Variants in ZNF722 observed in about 807,000 individuals in gnomAD.
ZNF722 encodes the protein zinc finger protein 479 pseudogene.
the ZNF722 span, among the ~76,000 whole-genome samples, chr7:64,014,028 A>G: frequency 6.6e-6 from 1 of 151,274 alleles, no homozygotes; most frequent in Non-Finnish European, 1.5e-5. Flanking sequence ...TATAAATAAT[A>G]CCTCACTTTT....
chr7:64,010,042 A>G, the ZNF722 span, among the ~76,000 whole-genome samples: 1 of 152,122 alleles, frequency 6.6e-6, no homozygotes, highest in African/African-American at 2.4e-5. Context: ...AGGTGTTTAT[A>G]GTATTCTCTG....
the ZNF722 span, among the ~76,000 whole-genome samples, chr7:64,001,562 AT>A: frequency 3.3e-5 from 5 of 152,194 alleles, no homozygotes; most frequent in Non-Finnish European, 5.9e-5. Context: ...ATACATGTGC[AT>A]GTGTCTTCAT....
the ZNF722 span, chr7:64,015,385 A>G: frequency 1.3e-5 from 20 of 1,521,528 alleles, no homozygotes; most frequent in Middle Eastern, 1.7e-4. Flanking sequence ...CAGATAATTC[A>G]TACTAAGGAG....
chr7:64,007,250 A>ATATATATATATATATATATATATATT, the ZNF722 span, among the ~76,000 whole-genome samples: 15 of 147,686 alleles, frequency 1.0e-4, no homozygotes, highest in African/African-American at 3.8e-4. Context: ...ATATATATAT[A>ATATATATATATATATATATATATATT]TATATTTATA....
the ZNF722 span, among the ~76,000 whole-genome samples, chr7:64,011,111 C>T: frequency 6.6e-6 from 1 of 151,684 alleles, no homozygotes; most frequent in Admixed American, 6.6e-5. Context: ...GATGGATCTT[C>T]CTCCATCCTT....
chr7:64,001,540 G>A, the ZNF722 span, among the ~76,000 whole-genome samples: 1 of 152,160 alleles, frequency 6.6e-6, no homozygotes, highest in Non-Finnish European at 1.5e-5. Context: ...TGTGAATCGT[G>A]CTGTAATAAA....
chr7:63,999,054 G>T, the ZNF722 span: 1 of 1,549,524 alleles, frequency 6.5e-7, no homozygotes, highest in African/African-American at 1.4e-5. Context: ...GGAACCGGCT[G>T]AAAGTGGCTT....
chr7:64,017,919 C>CA, the ZNF722 span, among the ~76,000 whole-genome samples: 1 of 152,134 alleles, frequency 6.6e-6, no homozygotes, highest in African/African-American at 2.4e-5. Context: ...ACTCAAGTCT[C>CA]AGATTACTTA....
chr7:64,006,159 A>G, the ZNF722 span: 2 of 882,232 alleles, frequency 2.3e-6, no homozygotes, highest in South Asian at 2.1e-5. Flanking sequence ...TACTAACCAT[A>G]ATACTAGTTT....
chr7:64,003,586 T>C, the ZNF722 span, among the ~76,000 whole-genome samples: 1 of 152,216 alleles, frequency 6.6e-6, no homozygotes, highest in African/African-American at 2.4e-5. Flanking sequence ...AAATTTTTAC[T>C]TCTGTACTTG....
the ZNF722 span, chr7:64,006,256 T>C: frequency 2.3e-6 from 3 of 1,296,570 alleles, no homozygotes; most frequent in Non-Finnish European, 3.2e-6. Context: ...CTTGATTACC[T>C]GTCTGGAGCA....
chr7:64,007,440 G>A, the ZNF722 span, among the ~76,000 whole-genome samples: 1 of 151,930 alleles, frequency 6.6e-6, no homozygotes, highest in South Asian at 2.1e-4. Flanking sequence ...CCCGCCCTGT[G>A]TCCAAGTGTT....
the ZNF722 span, among the ~76,000 whole-genome samples, chr7:64,011,304 GTTA>G: frequency 6.6e-6 from 1 of 152,098 alleles, no homozygotes; most frequent in Non-Finnish European, 1.5e-5. Flanking sequence ...ATGTTAGCTG[GTTA>G]TTTTGCCTGT....
At chr7:64,008,879 T>C in the ZNF722 span, among the ~76,000 whole-genome samples, 1 of 152,206 alleles carries the variant, frequency 6.6e-6, no homozygotes, top group African/African-American at 2.4e-5. Context: ...TCCATGAGCA[T>C]GGAATGTTCT....
chr7:64,015,110 T>C, the ZNF722 span: 5 of 1,425,982 alleles, frequency 3.5e-6, no homozygotes, highest in African/African-American at 1.4e-5. Context: ...CAAGAACATA[T>C]GGAAAATGTG....
At chr7:64,010,275 C>T in the ZNF722 span, among the ~76,000 whole-genome samples, 1 of 151,992 alleles carries the variant, frequency 6.6e-6, no homozygotes, top group African/African-American at 2.4e-5. Context: ...TGTTTCTTGC[C>T]TTCTGCTAGC....
At chr7:64,008,061 A>G in the ZNF722 span, among the ~76,000 whole-genome samples, 2 of 152,140 alleles carry the variant, frequency 1.3e-5, no homozygotes, top group Non-Finnish European at 1.5e-5. Context: ...GTGTCTGTTC[A>G]TATCCTTTGC....
chr7:63,998,950 A>G, the ZNF722 span: 2 of 1,574,596 alleles, frequency 1.3e-6, no homozygotes, highest in South Asian at 1.1e-5. Context: ...TCCTGCAGGT[A>G]TTCGCAGATT....
chr7:64,007,159 C>A, the ZNF722 span, among the ~76,000 whole-genome samples: 1 of 149,562 alleles, frequency 6.7e-6, no homozygotes, highest in Non-Finnish European at 1.5e-5. Context: ...GATTTTGTTT[C>A]GCATTTTTCT....
Sources: gnomAD v4.1 joint callset for allele counts (sites outside exome capture counted in the v4.1 genomes callset) on GRCh38, gnomAD v4.1.1 for gene constraint, MANE v1.5 for transcripts, NCBI Gene and HGNC (gene_info 2026-07-23, HGNC 2026-07-21) for gene names.